The following KIAA0825 variants were observed in gnomAD, a reference collection of about 807,000 sequenced individuals.
KIAA0825 encodes the protein uncharacterized protein KIAA0825.
A neutral mutation model predicts 147.6 loss-of-function variants in KIAA0825; 119 were observed. That is an observed-to-expected ratio of 0.81 (90% CI 0.69 to 0.94). The LOEUF (loss-of-function observed/expected upper bound fraction) is 0.94, where lower values mean the gene tolerates loss of function less well. KIAA0825 is among the 40% of genes least tolerant of loss of function. The probability of loss-of-function intolerance (pLI) is 0.00; values close to 1 mark genes in which losing one functional copy is unlikely to be tolerated. For missense variants in KIAA0825, 1,381 were observed against 1,472.7 expected, an observed-to-expected ratio of 0.94 and a Z score of 1.02; for synonymous variants, 470 against 518.1, an observed-to-expected ratio of 0.91 and a Z score of 1.26.
intron 15 of KIAA0825, among the ~76,000 whole-genome samples, chr5:94,405,617 C>A (rs960688352): frequency 1.3e-5 from 2 of 152,166 alleles, no homozygotes; most frequent in Non-Finnish European, 2.9e-5. Context: ...ATAACTTTAG[C>A]TGTTAGAAAT....
chr5:94,155,213 C>CTTTTTTT (rs67704311), intron 20 of KIAA0825, among the ~76,000 whole-genome samples: 1 of 119,064 alleles, frequency 8.4e-6, no homozygotes, highest in Non-Finnish European at 1.8e-5. Flanking sequence ...TATTTTCTTT[C>CTTTTTTT]TTTTTTTTTT....
intron 1 of KIAA0825, among the ~76,000 whole-genome samples, chr5:94,598,028 T>G (rs1426025648): frequency 1.3e-5 from 2 of 152,150 alleles, no homozygotes; most frequent in Non-Finnish European, 2.9e-5. Flanking sequence ...AACACTACTG[T>G]AGACTTTATT....
At chr5:94,418,141 A>C (rs1753709240) in intron 14 of KIAA0825, among the ~76,000 whole-genome samples, 1 of 152,174 alleles carries the variant, frequency 6.6e-6, no homozygotes, top group Admixed American at 6.6e-5. Context: ...AAAGGTAACA[A>C]ATTATATTTT....
intron 1 of KIAA0825, among the ~76,000 whole-genome samples, chr5:94,587,451 T>A (rs778065669): frequency 6.6e-6 from 1 of 151,768 alleles, no homozygotes; most frequent in Non-Finnish European, 1.5e-5. Flanking sequence ...CAATTACTAT[T>A]AAGAGAATAA....
At chr5:94,545,069 G>T (rs1300328703) in intron 2 of KIAA0825, among the ~76,000 whole-genome samples, 1 of 152,064 alleles carries the variant, frequency 6.6e-6, no homozygotes, top group Non-Finnish European at 1.5e-5. Context: ...GTGGGGGTTG[G>T]GGGGCTGGCA....
intron 20 of KIAA0825, among the ~76,000 whole-genome samples, chr5:94,235,714 G>A (rs1480921026): frequency 1.3e-5 from 2 of 152,194 alleles, no homozygotes; most frequent in Non-Finnish European, 2.9e-5. Flanking sequence ...CAAAGGACAG[G>A]TTGCTTCTTT....
intron 20 of KIAA0825, among the ~76,000 whole-genome samples, chr5:94,167,744 G>C (rs1768185142): frequency 6.6e-6 from 1 of 151,870 alleles, no homozygotes; most frequent in Admixed American, 6.6e-5. Flanking sequence ...GATAGATTGG[G>C]CTATTCTTTT....
intron 20 of KIAA0825, among the ~76,000 whole-genome samples, chr5:94,357,736 C>T (rs1046194580): frequency 6.6e-6 from 1 of 152,158 alleles, no homozygotes; most frequent in Admixed American, 6.5e-5. Context: ...GTTTATTCCC[C>T]TTAACTGCAG....
chr5:94,323,716 G>C (rs1780422033), intron 20 of KIAA0825, among the ~76,000 whole-genome samples: 1 of 151,878 alleles, frequency 6.6e-6, no homozygotes, highest in Non-Finnish European at 1.5e-5. Context: ...TTTTTAGAAA[G>C]TGTCTAATGG....
At chr5:94,491,164 G>C (rs1362372238) in intron 5 of KIAA0825, among the ~76,000 whole-genome samples, 1 of 152,064 alleles carries the variant, frequency 6.6e-6, no homozygotes, top group East Asian at 1.9e-4. Flanking sequence ...CCCTATTATT[G>C]ACTGTAAATG....
At chr5:94,171,952 C>T (rs556899684) in intron 20 of KIAA0825, among the ~76,000 whole-genome samples, 1 of 152,178 alleles carries the variant, frequency 6.6e-6, no homozygotes, top group East Asian at 1.9e-4. Context: ...AAAAAAGATA[C>T]ATGATAATGC....
chr5:94,164,775 A>G (rs1474727510), intron 20 of KIAA0825, among the ~76,000 whole-genome samples: 2 of 152,128 alleles, frequency 1.3e-5, no homozygotes, highest in African/African-American at 4.8e-5. Flanking sequence ...AGTCTCTTCA[A>G]TAAATGGTGC....
intron 20 of KIAA0825, among the ~76,000 whole-genome samples, chr5:94,196,601 C>T (rs1021456539): frequency 3.3e-5 from 5 of 151,906 alleles, no homozygotes; most frequent in Non-Finnish European, 5.9e-5. Flanking sequence ...GGTAGTTTTT[C>T]GACCCTTATC....
At chr5:94,265,199 G>T (rs1207764651) in intron 20 of KIAA0825, among the ~76,000 whole-genome samples, 1 of 152,116 alleles carries the variant, frequency 6.6e-6, no homozygotes, top group Non-Finnish European at 1.5e-5. Flanking sequence ...TTGAAGGCAG[G>T]TTACTATGTC....
chr5:94,442,698 T>C (rs1160298820), intron 13 of KIAA0825, among the ~76,000 whole-genome samples: 2 of 152,180 alleles, frequency 1.3e-5, no homozygotes, highest in Non-Finnish European at 2.9e-5. Flanking sequence ...GTAAGCTGTA[T>C]ATTAAAATTG....
At chr5:94,226,415 TG>T (rs1345867018) in intron 20 of KIAA0825, among the ~76,000 whole-genome samples, 1 of 151,862 alleles carries the variant, frequency 6.6e-6, no homozygotes, top group Non-Finnish European at 1.5e-5. Context: ...ACACTGTTGG[TG>T]GGAGTGTAAA....
rs571703174 is a variant in KIAA0825, at chr5:94,473,984, C to G, written c.1228-465G>C. ...ATATTCAACTTTCATTTCTTTTTCA[C>G]TCACAGAACTCCAGACAAGCCAAAA... On this transcript the variant is annotated intron_variant, in intron 7 of 20. Coordinates refer to ENST00000682413, the MANE Select transcript of KIAA0825 (RefSeq NM_001145678.3). Among the ~76,000 whole-genome samples the G allele has an allele frequency of 3.3e-5, 5 of 152,212 alleles. No individual in the cohort carries two copies. The East Asian group carries it at 9.7e-4, about 29-fold the overall frequency.
chr5:94,251,516 A>G (rs1775962357), intron 20 of KIAA0825, among the ~76,000 whole-genome samples: 1 of 152,036 alleles, frequency 6.6e-6, no homozygotes, highest in Non-Finnish European at 1.5e-5. Flanking sequence ...AGACTTTTAC[A>G]TTGCTTCAGG....
At chr5:94,216,549 C>T (rs763051760) in intron 20 of KIAA0825, among the ~76,000 whole-genome samples, 2 of 152,154 alleles carry the variant, frequency 1.3e-5, no homozygotes, top group Admixed American at 1.3e-4. Flanking sequence ...CAATGATTAC[C>T]TAGTCCTGGG....
Sources: allele counts gnomAD v4.1 joint callset (sites outside exome capture counted in the v4.1 genomes callset), GRCh38; gene constraint gnomAD v4.1.1; transcripts MANE v1.5; gene names NCBI Gene and HGNC (gene_info 2026-07-23, HGNC 2026-07-21).